CSMD3: variants seen among roughly 807,000 people sequenced by gnomAD.
CSMD3 encodes the protein CUB and sushi domain-containing protein 3.
In CSMD3, 177 loss-of-function variants were observed where a neutral mutation model predicts 435.2. The ratio of observed to expected loss-of-function variants is 0.41; its 90% CI spans 0.36 to 0.46. The LOEUF is 0.46. CSMD3 is among the 20% of genes least tolerant of loss of function. The pLI, the probability that CSMD3 is intolerant of heterozygous loss-of-function variation, is 0.34. For synonymous variants in CSMD3, 1,656 were observed against 1,520.5 expected, an observed-to-expected ratio of 1.09 and a Z score of -2.07; for missense variants, 4,265 against 4,504.6, an observed-to-expected ratio of 0.95 and a Z score of 1.52.
chr8:113,067,734 C>A (rs950114231), intron 5 of CSMD3, among the ~76,000 whole-genome samples: 1 of 151,996 alleles, frequency 6.6e-6, no homozygotes, highest in Non-Finnish European at 1.5e-5. Flanking sequence ...ATTAAAAATA[C>A]TTCTCATATG....
intron 1 of CSMD3, among the ~76,000 whole-genome samples, chr8:113,408,286 G>A (rs2094542063): frequency 6.6e-6 from 1 of 152,086 alleles, no homozygotes; most frequent in African/African-American, 2.4e-5. Flanking sequence ...TACAGTTACA[G>A]ACAATCATAA....
In CSMD3 at chr8:113,027,753, T is replaced by A. The variant is rs555979425; in HGVS notation, c.918-8574A>T. Among the ~76,000 whole-genome samples, 3 of 152,194 alleles carry A rather than the reference T, an allele frequency of 2.0e-5. No homozygotes were observed. In the South Asian group the frequency reaches 6.2e-4, roughly 32 times the overall value. ...TTAACCACACACCATAAAACCCACATACCCTATTCTGTAACTCTCTTCTGA... is the reference window on the plus strand; with the variant it reads ...TTAACCACACACCATAAAACCCACAAACCCTATTCTGTAACTCTCTTCTGA... On this transcript the variant is annotated intron_variant, in intron 5 of 70. Coordinates refer to ENST00000297405, the MANE Select transcript of CSMD3 (RefSeq NM_198123.2).
intron 58 of CSMD3, among the ~76,000 whole-genome samples, chr8:112,285,330 G>C (rs1428144099): frequency 6.6e-6 from 1 of 152,012 alleles, no homozygotes; most frequent in Non-Finnish European, 1.5e-5. Flanking sequence ...GAGAAATAAA[G>C]AGTTTAGTCT....
intron 1 of CSMD3, among the ~76,000 whole-genome samples, chr8:113,401,506 G>A (rs753555869): frequency 1.7e-4 from 26 of 151,646 alleles, no homozygotes; most frequent in Admixed American, 3.3e-4. Context: ...TGGGTAGTTC[G>A]CCTACATTTC....
intron 45 of CSMD3, 66 bp downstream of exon 45, chr8:112,335,263 A>G (rs1209025573): frequency 3.5e-6 from 5 of 1,441,580 alleles, no homozygotes; most frequent in East Asian, 4.6e-5. Context: ...TATATATTAC[A>G]TTCACTTTTT....
At chr8:112,591,552 A>T (rs180813367) in intron 22 of CSMD3, among the ~76,000 whole-genome samples, 2 of 152,234 alleles carry the variant, frequency 1.3e-5, no homozygotes, top group African/African-American at 2.4e-5. Flanking sequence ...TTACTTTTTT[A>T]AAAATGTGCA....
chr8:112,819,602 T>A (rs2079472746), intron 12 of CSMD3, among the ~76,000 whole-genome samples: 1 of 152,228 alleles, frequency 6.6e-6, no homozygotes, highest in Non-Finnish European at 1.5e-5. Context: ...TCATATTTAT[T>A]CCTACTTGAG....
rs201018975 is a variant in CSMD3, at chr8:113,130,176, TA to T, written c.710-31214del. On this transcript the variant is annotated intron_variant, in intron 4 of 70. Coordinates refer to ENST00000297405, the MANE Select transcript of CSMD3 (RefSeq NM_198123.2). ...AAGTGAATTTAGGTAAATTTGCACA[TA>T]ATAGTGACAGATCAGAGAAAAATAA... Among the ~76,000 whole-genome samples, 712 of 152,208 alleles carry T rather than the reference TA, an allele frequency of 4.7e-3. 5 individuals are homozygous for T. Among genetic ancestry groups the T allele is most frequent in the African/African-American group, 0.015 (619 of 41,540 alleles).
chr8:112,547,560 A>T (rs552720218), intron 27 of CSMD3, among the ~76,000 whole-genome samples: 9 of 152,214 alleles, frequency 5.9e-5, no homozygotes, highest in African/African-American at 1.7e-4. Flanking sequence ...AAAAAACAAA[A>T]AACAACCAAA....
chr8:113,264,864 G>A (rs970756461), intron 3 of CSMD3, among the ~76,000 whole-genome samples: 9 of 151,562 alleles, frequency 5.9e-5, no homozygotes, highest in African/African-American at 2.2e-4. Context: ...CTTAACGTAG[G>A]AGATGTATTA....
intron 5 of CSMD3, among the ~76,000 whole-genome samples, chr8:113,039,983 G>A (rs576431074): frequency 6.6e-6 from 1 of 152,202 alleles, no homozygotes; most frequent in East Asian, 1.9e-4. Flanking sequence ...CTGCATTCTT[G>A]TTGGAGAGGG....
intron 7 of CSMD3, among the ~76,000 whole-genome samples, chr8:112,966,830 C>G (rs543717608): frequency 2.6e-5 from 4 of 151,876 alleles, no homozygotes; most frequent in Admixed American, 2.0e-4. Context: ...CCCTTGCACT[C>G]ATAAATTTCC....
intron 3 of CSMD3, among the ~76,000 whole-genome samples, chr8:113,228,546 T>C (rs1159134438): frequency 6.6e-6 from 1 of 151,424 alleles, no homozygotes; most frequent in Non-Finnish European, 1.5e-5. Flanking sequence ...GGATTTGAAC[T>C]TCCCCTTTTA....
At chr8:112,726,750 G>A (rs1378746832) in intron 13 of CSMD3, among the ~76,000 whole-genome samples, 1 of 151,690 alleles carries the variant, frequency 6.6e-6, no homozygotes, top group Non-Finnish European at 1.5e-5. Flanking sequence ...CGTAATGAAA[G>A]ATAATCCAAA....
At chr8:112,326,558 G>A (rs913677352) in intron 45 of CSMD3, among the ~76,000 whole-genome samples, 1 of 152,154 alleles carries the variant, frequency 6.6e-6, no homozygotes, top group South Asian at 2.1e-4. Context: ...GGTACATTCC[G>A]CTTGACAAAT....
At chr8:112,591,777 T>C (rs749134637) in intron 22 of CSMD3, among the ~76,000 whole-genome samples, 4 of 152,072 alleles carry the variant, frequency 2.6e-5, no homozygotes, top group Non-Finnish European at 4.4e-5. Context: ...TAGAGGATCA[T>C]AGGAGGATCA....
At chr8:113,248,735 A>G (rs1273119581) in intron 3 of CSMD3, among the ~76,000 whole-genome samples, 1 of 151,538 alleles carries the variant, frequency 6.6e-6, no homozygotes, top group African/African-American at 2.4e-5. Context: ...CGTATAATAC[A>G]CATTCAATTT....
intron 49 of CSMD3, among the ~76,000 whole-genome samples, chr8:112,311,736 T>C (rs1050620337): frequency 3.3e-5 from 5 of 152,182 alleles, no homozygotes; most frequent in Non-Finnish European, 7.3e-5. Flanking sequence ...ATAAAAAAGT[T>C]TTTTCATCTC....
intron 24 of CSMD3, among the ~76,000 whole-genome samples, chr8:112,563,264 G>C (rs1156570428): frequency 6.6e-6 from 1 of 151,774 alleles, no homozygotes; most frequent in African/African-American, 2.4e-5. Context: ...AAACTTTAAA[G>C]CTACAACTTT....
Sources: gnomAD v4.1 joint callset for allele counts (sites outside exome capture counted in the v4.1 genomes callset) on GRCh38, gnomAD v4.1.1 for gene constraint, MANE v1.5 for transcripts, NCBI Gene and HGNC (gene_info 2026-07-23, HGNC 2026-07-21) for gene names.